The following MEGF11 variants were observed in gnomAD, a reference collection of about 807,000 sequenced individuals.
The protein encoded by MEGF11 is multiple epidermal growth factor-like domains protein 11.
Under a neutral mutation model 146.6 loss-of-function variants are expected in MEGF11, and 126 were observed. That is an observed-to-expected ratio of 0.86 (90% confidence interval 0.74 to 1.00). The LOEUF (loss-of-function observed/expected upper bound fraction) is 1.00, where lower values mean the gene tolerates loss of function less well. Ranked by LOEUF, MEGF11 falls within the 50% of genes least tolerant of loss-of-function variation. The pLI is 0.00. For missense variants in MEGF11, 1,509 were observed against 1,521.2 expected (o/e 0.99, Z 0.13); for synonymous variants, 532 against 583.4 (o/e 0.91, Z 1.27).
chr15:65,958,351 C>T (rs369887374), intron 9 of MEGF11, among the ~76,000 whole-genome samples: 30 of 152,336 alleles, frequency 2.0e-4, no homozygotes, highest in African/African-American at 5.8e-4. Context: ...AAGGACCATT[C>T]GGCTAGAGGC....
At position 66,175,827 on chromosome 15, in the gene MEGF11, A is replaced by G. The variant is rs1211825684; in HGVS notation, c.-8-47416T>C. Among the ~76,000 whole-genome samples, 4 of 152,326 alleles carry G rather than the reference A, an allele frequency of 2.6e-5. No individual in the cohort carries two copies. In the East Asian group the frequency reaches 7.7e-4, roughly 29 times the overall value. On this transcript the variant is annotated intron_variant, in intron 1 of 25. Transcript: ENST00000395614. ...AAAACAAAAATAGACGAATGGGACT[A>G]TATCAAACTAAAAAGTTCTACACAA...
chr15:66,037,335 A>G lies in MEGF11; in HGVS notation c.395-54847T>C, dbSNP rs563068232. ...AACATCTACTACAGTTGGGATAACT[A>G]AACCCACTATCTGCCAAAATGAGCC... On this transcript the variant is annotated intron_variant, in intron 5 of 25. Transcript: ENST00000395614. Among the ~76,000 whole-genome samples the G allele has an allele frequency of 4.6e-5, 7 of 152,360 alleles. No homozygotes were observed. The South Asian group carries it at 1.4e-3, about 32-fold the overall frequency.
rs187224706 is a variant in MEGF11, at chr15:65,969,812, C to T, written c.899+741G>A. Among the ~76,000 whole-genome samples the T allele has an allele frequency of 1.6e-4, 25 of 152,196 alleles. No individual in the cohort carries two copies. In the East Asian group the frequency reaches 3.5e-3, roughly 21 times the overall value. On this transcript the variant is annotated intron_variant, in intron 8 of 25. Coordinates refer to ENST00000395614, the MANE Select transcript of MEGF11 (RefSeq NM_001385028.1). The stretch of plus-strand genomic sequence containing the variant: ...ATGGGGTGTGGGGGCTGCCTCTGTA[C>T]GGCCCTTCTCTGCTTGAAGAGATCC...
At chr15:66,076,182 T>C (rs1486374102) in intron 5 of MEGF11, among the ~76,000 whole-genome samples, 1 of 149,928 alleles carries the variant, frequency 6.7e-6, no homozygotes, top group South Asian at 2.2e-4. Flanking sequence ...GACAAGGGGA[T>C]GAATGGTTGG....
At chr15:66,240,452 G>A (rs754073364) in intron 1 of MEGF11, among the ~76,000 whole-genome samples, 24 of 152,326 alleles carry the variant, frequency 1.6e-4, no homozygotes, top group African/African-American at 5.1e-4. Flanking sequence ...ACGCGTCTGA[G>A]GTGCTTCCGG....
chr15:65,903,498 A>G (rs919277858), intron 24 of MEGF11, among the ~76,000 whole-genome samples: 1 of 152,192 alleles, frequency 6.6e-6, no homozygotes, highest in Non-Finnish European at 1.5e-5. Context: ...AGAGCTTGAA[A>G]GGGCCTCAGA....
intron 5 of MEGF11, among the ~76,000 whole-genome samples, chr15:66,082,466 A>ATCT (rs771903283): frequency 3.3e-4 from 24 of 72,554 alleles, no homozygotes; most frequent in Non-Finnish European, 3.1e-4. Flanking sequence ...AAAAAAAAAA[A>ATCT]ATCTATCTAT....
At chr15:66,181,158 T>C (rs566515337) in intron 1 of MEGF11, among the ~76,000 whole-genome samples, 19 of 152,348 alleles carry the variant, frequency 1.2e-4, no homozygotes, top group Middle Eastern at 3.4e-3. Context: ...AGATACAATG[T>C]GTTATCCATT....
At position 66,119,075 on chromosome 15, in the gene MEGF11, C is replaced by T. The variant is rs1440796462; in HGVS notation, c.301+11G>A. 21 of 1,535,642 alleles carry T rather than the reference C, an allele frequency of 1.4e-5. No individual in the cohort carries two copies. Among genetic ancestry groups the T allele is most frequent in the East Asian group, 9.8e-5 (4 of 40,848 alleles). ...CCCACTGAGGGCAGAACAGCAGCAGCCCCTACATACGTATGCAGAAGTCTC... is the reference window on the plus strand; with the variant it reads ...CCCACTGAGGGCAGAACAGCAGCAGTCCCTACATACGTATGCAGAAGTCTC... On this transcript the variant is annotated intron_variant, in intron 4 of 25. Transcript: ENST00000395614.
intron 19 of MEGF11, among the ~76,000 whole-genome samples, chr15:65,914,880 G>A (rs139464031): frequency 6.6e-6 from 1 of 152,256 alleles, no homozygotes; most frequent in East Asian, 1.9e-4. Context: ...GCATTTATTG[G>A]AGTGTTCACT....
chr15:66,228,001 T>C lies in MEGF11; in HGVS notation c.-9+25604A>G, dbSNP rs143137444. The stretch of plus-strand genomic sequence containing the variant: ...CCCCAAGCCCAAGAGCTAGTCCAGG[T>C]TCCTATTCCTGCCCTGGGCCCTAAG... On this transcript the variant is annotated intron_variant, in intron 1 of 25. Coordinates refer to ENST00000395614, the MANE Select transcript of MEGF11 (RefSeq NM_001385028.1). Among the ~76,000 whole-genome samples the C allele has an allele frequency of 3.6e-3, 546 of 152,146 alleles. 5 individuals are homozygous for C. Among genetic ancestry groups the C allele is most frequent in the African/African-American group, 0.012 (514 of 41,526 alleles).
At chr15:65,968,417 T>TA (rs1278015069) in intron 8 of MEGF11, among the ~76,000 whole-genome samples, 1 of 152,174 alleles carries the variant, frequency 6.6e-6, no homozygotes, top group African/African-American at 2.4e-5. Flanking sequence ...CCCTCCTGCT[T>TA]AGCAGGACTG....
At chr15:66,093,930 A>C (rs908434603) in intron 5 of MEGF11, among the ~76,000 whole-genome samples, 2 of 152,160 alleles carry the variant, frequency 1.3e-5, no homozygotes, top group Non-Finnish European at 2.9e-5. Context: ...GTCCTGTTCT[A>C]ATTTTGGGGA....
chr15:66,172,128 GTCCTCCGCCT>G (rs1185545272), intron 1 of MEGF11, among the ~76,000 whole-genome samples: 1 of 152,198 alleles, frequency 6.6e-6, no homozygotes, highest in Non-Finnish European at 1.5e-5. Context: ...GAGGGAGATG[GTCCTCCGCCT>G]CCTCCAGGAC....
intron 5 of MEGF11, among the ~76,000 whole-genome samples, chr15:66,059,391 G>C (rs2084808930): frequency 6.6e-6 from 1 of 152,178 alleles, no homozygotes; most frequent in African/African-American, 2.4e-5. Flanking sequence ...TGCTCAGCAG[G>C]TCCTCATTCG....
chr15:66,160,609 A>G (rs184002115), intron 1 of MEGF11, among the ~76,000 whole-genome samples: 152 of 151,882 alleles, frequency 1.0e-3, no homozygotes, highest in African/African-American at 3.5e-3. Context: ...CATGCATTCA[A>G]TAAGCATTTA....
chr15:66,191,113 G>A (rs2090860376), intron 1 of MEGF11, among the ~76,000 whole-genome samples: 2 of 152,132 alleles, frequency 1.3e-5, no homozygotes, highest in Non-Finnish European at 2.9e-5. Flanking sequence ...ATGGAAGGCT[G>A]CCTCTGAAGA....
chr15:66,204,314 A>G (rs1252242028), intron 1 of MEGF11, among the ~76,000 whole-genome samples: 1 of 152,170 alleles, frequency 6.6e-6, no homozygotes, highest in African/African-American at 2.4e-5. Flanking sequence ...AGGTGAAAGG[A>G]TCACTTGAGC....
intron 10 of MEGF11, among the ~76,000 whole-genome samples, chr15:65,935,847 A>G (rs753953015): frequency 1.3e-5 from 2 of 152,128 alleles, no homozygotes; most frequent in African/African-American, 4.8e-5. Flanking sequence ...TTTTTTGTCA[A>G]ATTCCCTAAC....
Sources: gnomAD v4.1 joint callset for allele counts (sites outside exome capture counted in the v4.1 genomes callset) on GRCh38, gnomAD v4.1.1 for gene constraint, MANE v1.5 for transcripts, NCBI Gene and HGNC (gene_info 2026-07-23, HGNC 2026-07-21) for gene names.